The following RNF13 variants were observed in gnomAD, a reference collection of about 807,000 sequenced individuals.
RNF13 encodes ring finger protein 13.
In RNF13, 19 loss-of-function variants were observed where a neutral mutation model predicts 37.7. That is an observed-to-expected ratio of 0.50 (90% confidence interval 0.35 to 0.74). The LOEUF is 0.74. Among genes scored for constraint, RNF13 ranks in the 30% least tolerant of loss-of-function variants. The pLI, the probability that RNF13 is intolerant of heterozygous loss-of-function variation, is 0.01. For synonymous variants in RNF13, 144 were observed against 157.8 expected (o/e 0.91, Z 0.65); for missense variants, 375 against 453.0 (o/e 0.83, Z 1.56).
At chr3:149,921,058 A>G (rs1226146934) in intron 7 of RNF13, 76 bp from the exon 8 acceptor site, 2 of 498,734 alleles carry the variant, frequency 4.0e-6, no homozygotes, top group African/African-American at 2.0e-5. Context: ...AACTTAAAAG[A>G]TATTTGTTAT....
intron 8 of RNF13, among the ~76,000 whole-genome samples, chr3:149,926,054 G>A (rs1462717218): frequency 6.6e-6 from 1 of 152,182 alleles, no homozygotes; most frequent in Non-Finnish European, 1.5e-5. Flanking sequence ...TCATATATGG[G>A]AGGAATTCTT....
At chr3:149,843,874 T>A (rs1031413872) in intron 1 of RNF13, among the ~76,000 whole-genome samples, 11 of 152,242 alleles carry the variant, frequency 7.2e-5, no homozygotes, top group Non-Finnish European at 2.9e-5. Flanking sequence ...GAGGTTAGGA[T>A]TAAGTGAGTT....
chr3:149,813,850 A>G (rs1362110333), intron 1 of RNF13: 3 of 152,204 alleles, frequency 2.0e-5, no homozygotes, highest in African/African-American at 7.2e-5. Flanking sequence ...AGGGCCAGAT[A>G]CTACGGTCAG....
intron 8 of RNF13, among the ~76,000 whole-genome samples, chr3:149,928,915 T>C (rs1274852360): frequency 6.6e-6 from 1 of 152,198 alleles, no homozygotes; most frequent in Non-Finnish European, 1.5e-5. Flanking sequence ...TTTCTAGGCA[T>C]TTTATTGTTT....
intron 4 of RNF13, among the ~76,000 whole-genome samples, chr3:149,889,158 T>C (rs553174371): frequency 5.3e-5 from 8 of 151,676 alleles, no homozygotes; most frequent in Middle Eastern, 3.4e-3. Flanking sequence ...AGGATGGTCT[T>C]TATCTCTTGA....
chr3:149,813,001 C>G (rs1719052246), upstream of RNF13: 1 of 152,484 alleles, frequency 6.6e-6, no homozygotes. Flanking sequence ...CCGCAGACGC[C>G]TGCCCCACCC....
intron 4 of RNF13, among the ~76,000 whole-genome samples, chr3:149,872,985 G>A (rs945572406): frequency 6.6e-6 from 1 of 152,182 alleles, no homozygotes; most frequent in African/African-American, 2.4e-5. Context: ...CTTTATGTTA[G>A]TTCCAAATAT....
intron 1 of RNF13, among the ~76,000 whole-genome samples, chr3:149,831,506 A>G (rs564003242): frequency 5.3e-5 from 8 of 152,266 alleles, no homozygotes; most frequent in African/African-American, 1.7e-4. Flanking sequence ...TGTTTCTGCC[A>G]GTTTCTCCCG....
At chr3:149,937,432 AT>A (rs1230591797) in intron 8 of RNF13, among the ~76,000 whole-genome samples, 1 of 151,876 alleles carries the variant, frequency 6.6e-6, no homozygotes, top group Non-Finnish European at 1.5e-5. Context: ...TTCTCTCTTA[AT>A]TTTTCACTTT....
intron 1 of RNF13, among the ~76,000 whole-genome samples, chr3:149,816,117 A>G (rs1359009910): frequency 1.4e-5 from 2 of 144,576 alleles, no homozygotes; most frequent in Non-Finnish European, 3.0e-5. Context: ...TCAGTCTGGT[A>G]TGAAACTTTA....
Position 149,933,028 on chromosome 3 carries a change from C to G in RNF13, c.700+11801C>G, listed in dbSNP as rs147441281. On this transcript the variant is annotated intron_variant, in intron 8 of 9. Transcript: ENST00000392894. ...GGCAAGCCTTCTTTCCTTTTGAATG[C>G]TGCACACCTACAGCCTTAATACCAC... Among the ~76,000 whole-genome samples, 539 of 152,342 alleles carry G rather than the reference C, an allele frequency of 3.5e-3. 2 individuals carry two copies. The highest frequency in any genetic ancestry group is 5.8e-3 in the Non-Finnish European group (393 of 68,032).
intron 1 of RNF13, among the ~76,000 whole-genome samples, chr3:149,844,329 G>A (rs916084512): frequency 3.9e-5 from 6 of 152,188 alleles, no homozygotes; most frequent in Non-Finnish European, 2.9e-5. Context: ...CAGTGTAAGC[G>A]TCTAAGGGTC....
intron 1 of RNF13, among the ~76,000 whole-genome samples, chr3:149,823,551 A>G (rs1311475924): frequency 6.6e-6 from 1 of 152,224 alleles, no homozygotes; most frequent in Non-Finnish European, 1.5e-5. Context: ...GAAGATAATC[A>G]GAAGTATGGA....
chr3:149,921,135 T>C lies in RNF13; in HGVS notation c.608T>C (p.Ile203Thr), dbSNP rs140042189. The stretch of plus-strand genomic sequence containing the variant: ...CTTTTTTTACTCTTTTATTTTTAGA[T>C]CACAAAATTTGTCCAGGATAGACAT... ...ICLILIVIFM[I>T]TKFVQDRHRA... Residue 203 changes from isoleucine (I) to threonine (T), a missense_variant and splice_region_variant, in exon 8 of 10, where the codon ATC (isoleucine) becomes ACC (threonine). By Grantham distance (89) the Ile-to-Thr change is moderately conservative. Transcript: ENST00000392894. 3.2e-5 allele frequency: 42 copies of C among 1,317,100 alleles called. No homozygotes were observed. The highest frequency in any genetic ancestry group is 2.9e-5 in the Non-Finnish European group (29 of 999,466). 81.6% of individuals were successfully genotyped at this position (1,317,100 alleles called of 1,614,324 possible). A position where few individuals can be genotyped will look rare whatever the true frequency, so the allele number is the denominator to read the frequency against.
At position 149,908,993 on chromosome 3, in the gene RNF13, A is replaced by G. The variant is rs181977232; in HGVS notation, c.501-2985A>G. Among the ~76,000 whole-genome samples, 3 of 152,298 alleles carry G rather than the reference A, an allele frequency of 2.0e-5. No homozygotes were observed. The East Asian group carries it at 5.8e-4, about 29-fold the overall frequency. ...CTCATAAGATGTGCTGTATTTAGGC[A>G]TGGACATAGAGGCAGTGTGGTAGGA... On this transcript the variant is annotated intron_variant, in intron 6 of 9. Transcript: ENST00000392894.
At position 149,835,143 on chromosome 3, in the gene RNF13, G is replaced by A. The variant is rs867235264; in HGVS notation, c.-16-10868G>A. ...CTTGGGCAGGACACCAAAAGCACAGGCAAGAAAAGAAAAAAATAGATGTTT... is the reference window on the plus strand; with the variant it reads ...CTTGGGCAGGACACCAAAAGCACAGACAAGAAAAGAAAAAAATAGATGTTT... On this transcript the variant is annotated intron_variant, in intron 1 of 9. Transcript: ENST00000392894. Among the ~76,000 whole-genome samples, 8 of 152,014 alleles carry A rather than the reference G, an allele frequency of 5.3e-5. 2 individuals carry two copies. In the Middle Eastern group the frequency reaches 0.027, roughly 517 times the overall value.
At chr3:149,813,716 C>A (rs1490143664) in intron 1 of RNF13, 1 of 152,224 alleles carries the variant, frequency 6.6e-6, no homozygotes, top group African/African-American at 2.4e-5. Flanking sequence ...CATCGCTTGA[C>A]TTTAGTTGAG....
At chr3:149,886,668 G>A (rs560254312) in intron 4 of RNF13, among the ~76,000 whole-genome samples, 27 of 152,092 alleles carry the variant, frequency 1.8e-4, no homozygotes, top group Non-Finnish European at 3.1e-4. Flanking sequence ...TGGAATTCTT[G>A]TCTTTCTGAT....
intron 5 of RNF13, among the ~76,000 whole-genome samples, chr3:149,895,909 T>C (rs1298457287): frequency 6.6e-6 from 1 of 152,220 alleles, no homozygotes; most frequent in African/African-American, 2.4e-5. Context: ...GGTATGCACA[T>C]ACACTAAGTA....
Sources: allele counts gnomAD v4.1 joint callset (sites outside exome capture counted in the v4.1 genomes callset), GRCh38; gene constraint gnomAD v4.1.1; transcripts MANE v1.5; gene names NCBI Gene and HGNC (gene_info 2026-07-23, HGNC 2026-07-21).